APOLD1: variants seen among roughly 807,000 people sequenced by gnomAD.
APOLD1 encodes apolipoprotein L domain containing 1.
Under a neutral mutation model 15.3 loss-of-function variants are expected in APOLD1, and 22 were observed. That is an observed-to-expected ratio of 1.44 (90% CI 1.03 to 2.05). APOLD1 has a LOEUF of 2.05. APOLD1 is among the 30% of genes most tolerant of loss of function. The pLI, the probability that APOLD1 is intolerant of heterozygous loss-of-function variation, is 0.00. For missense variants in APOLD1, 394 were observed against 353.5 expected (o/e 1.11, Z -0.92); for synonymous variants, 190 against 167.4 (o/e 1.13, Z -1.04).
chr12:12,774,268 G>C (rs1264646566), intron 1 of APOLD1, among the ~76,000 whole-genome samples: 1 of 151,986 alleles, frequency 6.6e-6, no homozygotes, highest in Non-Finnish European at 1.5e-5. Flanking sequence ...AACCTGGACG[G>C]GTGTGGTGGC....
At chr12:12,757,673 T>TAA (rs112376702) in intron 1 of APOLD1, among the ~76,000 whole-genome samples, 4 of 150,176 alleles carry the variant, frequency 2.7e-5, no homozygotes, top group Non-Finnish European at 4.4e-5. Context: ...TTTTTTTCTT[T>TAA]AAAAAAAAAA....
At chr12:12,744,391 C>T (rs1946750532) in intron 1 of APOLD1, among the ~76,000 whole-genome samples, 1 of 151,140 alleles carries the variant, frequency 6.6e-6, no homozygotes, top group African/African-American at 2.4e-5. Context: ...GGCAGATCAC[C>T]TGAGGTCAGG....
At chr12:12,751,674 G>A (rs554905852) in intron 1 of APOLD1, among the ~76,000 whole-genome samples, 3 of 152,288 alleles carry the variant, frequency 2.0e-5, no homozygotes, top group South Asian at 2.1e-4. Context: ...AGGCAACCTC[G>A]ATATTACCTT....
intron 1 of APOLD1, among the ~76,000 whole-genome samples, chr12:12,762,062 T>A (rs1426645644): frequency 6.6e-6 from 1 of 151,968 alleles, no homozygotes; most frequent in Non-Finnish European, 1.5e-5. Flanking sequence ...AGGCTGCAAA[T>A]GAAGACATTT....
At chr12:12,742,911 T>A (rs1946739174) in intron 1 of APOLD1, among the ~76,000 whole-genome samples, 1 of 152,230 alleles carries the variant, frequency 6.6e-6, no homozygotes, top group Non-Finnish European at 1.5e-5. Context: ...ACTACAGGCA[T>A]GTGACACCAC....
intron 1 of APOLD1, among the ~76,000 whole-genome samples, chr12:12,742,265 A>G (rs1048038419): frequency 2.0e-5 from 3 of 152,212 alleles, no homozygotes; most frequent in Non-Finnish European, 4.4e-5. Context: ...ACTAGGAGCC[A>G]CTTTTTATGG....
At chr12:12,742,793 C>T (rs953329117) in intron 1 of APOLD1, among the ~76,000 whole-genome samples, 14 of 150,278 alleles carry the variant, frequency 9.3e-5, no homozygotes, top group East Asian at 3.9e-4. Flanking sequence ...TGGTCAGGGT[C>T]TCACTCTGTC....
At chr12:12,746,522 A>AATAAATACATAAATAC (rs1555089077) in intron 1 of APOLD1, among the ~76,000 whole-genome samples, 5 of 144,158 alleles carry the variant, frequency 3.5e-5, no homozygotes, top group African/African-American at 1.3e-4. Flanking sequence ...TAAATACATA[A>AATAAATACATAAATAC]ATACATACAT....
intron 1 of APOLD1, among the ~76,000 whole-genome samples, chr12:12,744,307 T>TAAA (rs35191312): frequency 1.5e-5 from 2 of 131,140 alleles, no homozygotes; most frequent in Non-Finnish European, 3.2e-5. Context: ...AGACCCTGCT[T>TAAA]AAAAAAAAAA....
At chr12:12,777,418 T>A (rs1205017457) in intron 1 of APOLD1, among the ~76,000 whole-genome samples, 1 of 152,200 alleles carries the variant, frequency 6.6e-6, no homozygotes, top group Non-Finnish European at 1.5e-5. Context: ...TAGAACTCCA[T>A]GGTCCTTTCC....
intron 1 of APOLD1, among the ~76,000 whole-genome samples, chr12:12,755,421 T>C (rs1208088103): frequency 1.3e-5 from 2 of 152,184 alleles, no homozygotes; most frequent in Admixed American, 1.3e-4. Flanking sequence ...TTCAGTTATA[T>C]TAAGATGAAA....
chr12:12,757,454 G>C (rs1357670490), intron 1 of APOLD1, among the ~76,000 whole-genome samples: 1 of 152,100 alleles, frequency 6.6e-6, no homozygotes, highest in African/African-American at 2.4e-5. Context: ...GCTTTAAAAA[G>C]TAATAACTCA....
chr12:12,783,023 T>C (rs915983041), upstream of APOLD1, among the ~76,000 whole-genome samples: 4 of 151,950 alleles, frequency 2.6e-5, no homozygotes, highest in Admixed American at 6.6e-5. Context: ...CTGTCCAACA[T>C]GGCGAAACCC....
intron 1 of APOLD1, among the ~76,000 whole-genome samples, chr12:12,770,346 A>C (rs575564480): frequency 1.7e-4 from 26 of 152,358 alleles, no homozygotes; most frequent in African/African-American, 6.0e-4. Context: ...CAGAGGTTGC[A>C]CTGAGCCGAA....
At chr12:12,784,961 C>G (rs1947112481), upstream of APOLD1, among the ~76,000 whole-genome samples, 1 of 152,208 alleles carries the variant, frequency 6.6e-6, no homozygotes, top group Non-Finnish European at 1.5e-5. Context: ...AGCCAATGCC[C>G]TATTGTGGTT....
chr12:12,726,059 G>A (rs1946589123), exon 1 of APOLD1: 1 of 1,538,420 alleles, frequency 6.5e-7, no homozygotes, highest in South Asian at 1.2e-5. Context: ...GCGCGGGCAG[G>A]AGCCTGGCGA....
intron 1 of APOLD1, chr12:12,771,333 T>C (rs915326272): frequency 1.3e-5 from 3 of 238,086 alleles, no homozygotes; most frequent in African/African-American, 7.0e-5. Flanking sequence ...TCATGCCTGG[T>C]GGCCCCCTTA....
chr12:12,765,118 C>A (rs1196440907), intron 1 of APOLD1, among the ~76,000 whole-genome samples: 1 of 152,104 alleles, frequency 6.6e-6, no homozygotes, highest in East Asian at 1.9e-4. Context: ...GTTCTGCAGG[C>A]TGTATAAGAG....
intron 1 of APOLD1, among the ~76,000 whole-genome samples, chr12:12,743,616 C>T (rs144600151): frequency 2.0e-5 from 3 of 152,300 alleles, no homozygotes; most frequent in Non-Finnish European, 4.4e-5. Context: ...CAAAGAGATA[C>T]ACATCCTAAT....
Sources: allele counts gnomAD v4.1 joint callset (sites outside exome capture counted in the v4.1 genomes callset), GRCh38; gene constraint gnomAD v4.1.1; transcripts MANE v1.5; gene names NCBI Gene and HGNC (gene_info 2026-07-23, HGNC 2026-07-21).